ADGRL3: variants seen among roughly 807,000 people sequenced by gnomAD.
ADGRL3 encodes calcium-independent alpha-latrotoxin receptor 3.
ADGRL3 carries 62 observed loss-of-function variants against 153.5 expected under a neutral mutation model. The ratio of observed to expected loss-of-function variants is 0.40; its 90% confidence interval spans 0.33 to 0.50. The LOEUF (loss-of-function observed/expected upper bound fraction) is 0.50, where lower values mean the gene tolerates loss of function less well. Among genes scored for constraint, ADGRL3 ranks in the 20% least tolerant of loss-of-function variants. The pLI is 0.47. For synonymous variants in ADGRL3, 710 were observed against 672.5 expected (o/e 1.06, Z -0.86); for missense variants, 1,641 against 1,859.4 (o/e 0.88, Z 2.16).
intron 2 of ADGRL3, among the ~76,000 whole-genome samples, chr4:61,386,172 C>A (rs2096733943): frequency 6.6e-6 from 1 of 151,988 alleles, no homozygotes; most frequent in Non-Finnish European, 1.5e-5. Flanking sequence ...GCCCTAACGT[C>A]AAAATTGGAA....
At chr4:61,336,000 T>C (rs146267529) in intron 1 of ADGRL3, among the ~76,000 whole-genome samples, 37 of 152,290 alleles carry the variant, frequency 2.4e-4, no homozygotes, top group African/African-American at 8.2e-4. Context: ...TAAATTTATT[T>C]ATTGTAAACA....
intron 5 of ADGRL3, among the ~76,000 whole-genome samples, chr4:61,651,774 T>A (rs1426138666): frequency 1.1e-5 from 1 of 93,092 alleles, no homozygotes; most frequent in Non-Finnish European, 2.5e-5. Context: ...GGCCCAGCTA[T>A]TTTTTTTTTT....
intron 1 of ADGRL3, among the ~76,000 whole-genome samples, chr4:61,265,443 C>G (rs1398593570): frequency 2.6e-5 from 4 of 151,826 alleles, no homozygotes; most frequent in African/African-American, 9.7e-5. Context: ...CAGTTACTTC[C>G]TATATCCCTG....
At chr4:61,642,883 T>C (rs1258728208) in intron 5 of ADGRL3, among the ~76,000 whole-genome samples, 3 of 152,188 alleles carry the variant, frequency 2.0e-5, no homozygotes, top group Non-Finnish European at 4.4e-5. Flanking sequence ...TTAGGCAGTA[T>C]GGCCATTTTC....
At chr4:61,765,053 G>A (rs1466572379) in intron 8 of ADGRL3, among the ~76,000 whole-genome samples, 2 of 152,124 alleles carry the variant, frequency 1.3e-5, no homozygotes, top group Non-Finnish European at 2.9e-5. Flanking sequence ...ATTAGAGAGT[G>A]CCTAAGGAGA....
intron 8 of ADGRL3, among the ~76,000 whole-genome samples, chr4:61,762,677 A>G (rs548123082): frequency 6.6e-6 from 1 of 152,194 alleles, no homozygotes; most frequent in East Asian, 1.9e-4. Context: ...CTAAGCAAAG[A>G]TCTGATAAAT....
At chr4:61,755,539 A>C (rs1388166201) in intron 8 of ADGRL3, among the ~76,000 whole-genome samples, 1 of 151,976 alleles carries the variant, frequency 6.6e-6, no homozygotes, top group African/African-American at 2.4e-5. Flanking sequence ...AGATGAGTAG[A>C]TTGCAAAAAT....
intron 2 of ADGRL3, among the ~76,000 whole-genome samples, chr4:61,384,387 A>T (rs1037810078): frequency 9.9e-5 from 15 of 151,370 alleles, no homozygotes; most frequent in African/African-American, 2.9e-4. Context: ...TTCAGAATAG[A>T]TGTGATTGAC....
chr4:61,544,172 C>T (rs1168610793), intron 4 of ADGRL3, among the ~76,000 whole-genome samples: 5 of 152,178 alleles, frequency 3.3e-5, no homozygotes, highest in African/African-American at 9.7e-5. Context: ...TCCAGAATGA[C>T]GGCATCAGTT....
At chr4:61,777,407 T>C (rs2097165845) in intron 8 of ADGRL3, among the ~76,000 whole-genome samples, 1 of 152,214 alleles carries the variant, frequency 6.6e-6, no homozygotes, top group Non-Finnish European at 1.5e-5. Flanking sequence ...TTTTATGTAG[T>C]ACATGCTTTT....
chr4:61,405,906 A>AAT (rs2096989120), intron 2 of ADGRL3, among the ~76,000 whole-genome samples: 1 of 152,016 alleles, frequency 6.6e-6, no homozygotes, highest in Admixed American at 6.6e-5. Context: ...ACCTACCAGA[A>AAT]ATACTCTTTG....
intron 21 of ADGRL3, among the ~76,000 whole-genome samples, chr4:62,001,747 T>C (rs2099141084): frequency 6.6e-6 from 1 of 152,184 alleles, no homozygotes; most frequent in Admixed American, 6.6e-5. Flanking sequence ...TTTAAAGATA[T>C]AAGTATCATT....
chr4:61,403,303 GA>G (rs1378159957), intron 2 of ADGRL3, among the ~76,000 whole-genome samples: 33 of 152,026 alleles, frequency 2.2e-4, no homozygotes, highest in Middle Eastern at 3.2e-3. Flanking sequence ...AGTTTCCGGG[GA>G]CATCAACCAT....
At chr4:61,606,174 G>C (rs544556873) in intron 5 of ADGRL3, among the ~76,000 whole-genome samples, 1 of 152,246 alleles carries the variant, frequency 6.6e-6, no homozygotes. Flanking sequence ...TTTACCATGG[G>C]CTAAAGGGGA....
chr4:61,761,089 G>T (rs1258774552), intron 8 of ADGRL3, among the ~76,000 whole-genome samples: 1 of 152,202 alleles, frequency 6.6e-6, no homozygotes, highest in Non-Finnish European at 1.5e-5. Context: ...ATCAATCTGG[G>T]TGATGCCAGC....
chr4:61,798,352 A>G (rs573420196), intron 8 of ADGRL3, among the ~76,000 whole-genome samples: 2 of 152,228 alleles, frequency 1.3e-5, no homozygotes, highest in Admixed American at 6.5e-5. Context: ...AGCAACACCT[A>G]TGATTCTTTC....
At chr4:61,822,201 C>A (rs2097762309) in intron 9 of ADGRL3, among the ~76,000 whole-genome samples, 1 of 152,104 alleles carries the variant, frequency 6.6e-6, no homozygotes, top group African/African-American at 2.4e-5. Context: ...AAACTCTTTT[C>A]CTGTGTTCCT....
At chr4:61,348,951 A>G in intron 1 of ADGRL3, among the ~76,000 whole-genome samples, 1 of 152,018 alleles carries the variant, frequency 6.6e-6, no homozygotes, top group East Asian at 1.9e-4. Flanking sequence ...TAAACAGTTA[A>G]AACTATTATT....
At position 62,033,675 on chromosome 4, in the gene ADGRL3, T is replaced by C. The variant is rs1246316483; in HGVS notation, c.3591+2065T>C. 4.0e-5 allele frequency among the ~76,000 whole-genome samples: 6 copies of C among 151,748 alleles called. No homozygotes were observed. In the South Asian group the frequency reaches 8.3e-4, roughly 21 times the overall value. On this transcript the variant is annotated intron_variant, in intron 23 of 26. Transcript: ENST00000683033. ...TAAGGAAAATGGTAGCATTTGCCCA[T>C]GATAAAAAGGGAATATATTAGGTCA...
Sources: allele counts gnomAD v4.1 joint callset (sites outside exome capture counted in the v4.1 genomes callset), GRCh38; gene constraint gnomAD v4.1.1; transcripts MANE v1.5; gene names NCBI Gene and HGNC (gene_info 2026-07-23, HGNC 2026-07-21).